Variants in GALNT14 observed in about 807,000 individuals in gnomAD.
GALNT14 encodes the protein UDP-GalNAc:polypeptide N-acetylgalactosaminyltransferase 14.
Under a neutral mutation model 77.5 loss-of-function variants are expected in GALNT14, and 60 were observed. The observed-to-expected ratio is 0.77, with a 90% CI of 0.63 to 0.96. The LOEUF is 0.96. GALNT14 is among the 40% of genes least tolerant of loss of function. The pLI, the probability that GALNT14 is intolerant of heterozygous loss-of-function variation, is 0.00. For missense variants in GALNT14, 710 were observed against 731.0 expected (o/e 0.97, Z 0.33); for synonymous variants, 280 against 281.7 (o/e 0.99, Z 0.06).
intron 1 of GALNT14, among the ~76,000 whole-genome samples, chr2:31,011,872 G>A (rs563797100): frequency 2.6e-5 from 4 of 152,266 alleles, no homozygotes; most frequent in African/African-American, 4.8e-5. Flanking sequence ...TTCTCTGGAC[G>A]TGCCGCCTGG....
intron 1 of GALNT14, among the ~76,000 whole-genome samples, chr2:31,036,488 A>C (rs1672744299): frequency 6.6e-6 from 1 of 152,208 alleles, no homozygotes; most frequent in African/African-American, 2.4e-5. Flanking sequence ...ACACAGTTTT[A>C]TAATTATTGC....
In GALNT14 at chr2:31,087,541, C is replaced by T. The variant is rs181388032; in HGVS notation, c.129+50417G>A. On this transcript the variant is annotated intron_variant, in intron 1 of 14. Coordinates refer to ENST00000349752, the MANE Select transcript of GALNT14 (RefSeq NM_024572.4). The stretch of plus-strand genomic sequence containing the variant: ...AGAGGAGAGGCGAGGAGAGGAAGAC[C>T]TCTAGACCAAGTCCTTAGAAACAAC... Among the ~76,000 whole-genome samples, 34 of 45,940 alleles carry T rather than the reference C, an allele frequency of 7.4e-4. No homozygotes were observed. In the East Asian group the frequency reaches 0.012, roughly 16 times the overall value. 30.1% of individuals were successfully genotyped at this position (45,940 alleles called of 152,430 possible).
At chr2:30,945,164 C>T (rs1666612922) in intron 7 of GALNT14, among the ~76,000 whole-genome samples, 1 of 152,202 alleles carries the variant, frequency 6.6e-6, no homozygotes, top group Non-Finnish European at 1.5e-5. Flanking sequence ...CCTCTCTGAG[C>T]CTTCTCTGCT....
Position 31,134,704 on chromosome 2 carries a change from GCT to G in GALNT14, c.129+3252_129+3253del, listed in dbSNP as rs529580647. On this transcript the variant is annotated intron_variant, in intron 1 of 14. Coordinates refer to ENST00000349752, the MANE Select transcript of GALNT14 (RefSeq NM_024572.4). ...CCTCCCTTACACAAACCCCCTGGGA[GCT>G]CTCCAAGGGTGAGGATCTAGGGATG... Among the ~76,000 whole-genome samples, 7 of 152,304 alleles carry G rather than the reference GCT, an allele frequency of 4.6e-5. No individual in the cohort carries two copies. In the East Asian group the frequency reaches 1.4e-3, roughly 30 times the overall value.
At chr2:30,955,376 G>A (rs1667299500) in intron 6 of GALNT14, among the ~76,000 whole-genome samples, 1 of 152,210 alleles carries the variant, frequency 6.6e-6, no homozygotes, top group Admixed American at 6.5e-5. Flanking sequence ...CCCAAGTGCA[G>A]GCCTGCTATG....
intron 1 of GALNT14, among the ~76,000 whole-genome samples, chr2:31,036,380 A>T (rs751060549): frequency 7.9e-5 from 12 of 152,226 alleles, no homozygotes; most frequent in Non-Finnish European, 1.2e-4. Context: ...TAATGTCAAC[A>T]GTATACAAAA....
chr2:31,105,946 T>A (rs13029054), intron 1 of GALNT14, among the ~76,000 whole-genome samples: 1 of 151,838 alleles, frequency 6.6e-6, no homozygotes, highest in African/African-American at 2.4e-5. Flanking sequence ...AAAACACGGT[T>A]CCTATTATCC....
the GALNT14 span, among the ~76,000 whole-genome samples, chr2:30,902,425 T>A: frequency 6.6e-6 from 1 of 152,116 alleles, no homozygotes; most frequent in Admixed American, 6.5e-5. Flanking sequence ...CCATCCCATC[T>A]CCTTTAGCAG....
Position 31,079,296 on chromosome 2 carries a change from C to T in GALNT14, c.129+58662G>A, listed in dbSNP as rs185132946. Among the ~76,000 whole-genome samples, 25 of 152,228 alleles carry T rather than the reference C, an allele frequency of 1.6e-4. No homozygotes were observed. The East Asian group carries it at 4.3e-3, about 26-fold the overall frequency. On this transcript the variant is annotated intron_variant, in intron 1 of 14. Transcript: ENST00000349752. Reference sequence around the variant, plus strand: ...GCTGTATGGCAGATGCACCTGACAGCGTCAGGACGTACCCTGAGAATGACC... The same window carrying T: ...GCTGTATGGCAGATGCACCTGACAGTGTCAGGACGTACCCTGAGAATGACC...
chr2:30,942,379 G>A, intron 8 of GALNT14, 75 bp from the exon 9 acceptor site: 2 of 1,078,060 alleles, frequency 1.9e-6, no homozygotes, highest in Non-Finnish European at 2.8e-6. Flanking sequence ...GGCCCCTTGA[G>A]TCTGAAACAC....
At chr2:30,903,890 T>C in the GALNT14 span, among the ~76,000 whole-genome samples, 1 of 152,190 alleles carries the variant, frequency 6.6e-6, no homozygotes, top group African/African-American at 2.4e-5. Context: ...GATTGGTTCT[T>C]CTCTTAAACC....
In GALNT14 at chr2:30,910,960, C is replaced by T. The variant is rs551834022; in HGVS notation, c.1600G>A (p.Val534Ile). Reference sequence around the variant, plus strand: ...AGTGAGGACTCACATGGGTTGACGACGATTTCCTTGCCGTTCTCGGTGCCA... The same window carrying T: ...AGTGAGGACTCACATGGGTTGACGATGATTTCCTTGCCGTTCTCGGTGCCA... ...GDGTENGKEI[V>I]VNPCESSLMS... Residue 534 changes from valine (V) to isoleucine (I), a missense_variant, in exon 15 of 15, where the codon GTC becomes ATC. Coordinates refer to ENST00000349752, the MANE Select transcript of GALNT14 (RefSeq NM_024572.4). The T allele has an allele frequency of 8.1e-6, 13 of 1,613,880 alleles. No homozygotes were observed. The highest frequency in any genetic ancestry group is 3.3e-4 in the Middle Eastern group (2 of 6,062).
intron 1 of GALNT14, among the ~76,000 whole-genome samples, chr2:31,028,833 T>C (rs1672233265): frequency 6.6e-6 from 1 of 152,056 alleles, no homozygotes; most frequent in African/African-American, 2.4e-5. Flanking sequence ...GCATGATATC[T>C]AGTGGGGAAG....
At chr2:30,987,527 A>G (rs1246224714) in intron 2 of GALNT14, among the ~76,000 whole-genome samples, 4 of 152,220 alleles carry the variant, frequency 2.6e-5, no homozygotes, top group Non-Finnish European at 4.4e-5. Context: ...AAGAACCAAA[A>G]GAAAAATGGC....
intron 7 of GALNT14, 43 bp from the exon 8 acceptor site, chr2:30,944,985 C>G: frequency 6.6e-7 from 1 of 1,526,210 alleles, no homozygotes. Context: ...CTCTCAAAAG[C>G]ACTTGCTCAT....
intron 6 of GALNT14, 69 bp downstream of exon 6, chr2:30,955,549 A>T: frequency 2.5e-6 from 4 of 1,568,948 alleles, no homozygotes; most frequent in Non-Finnish European, 3.4e-6. Flanking sequence ...ATGTGAAGTA[A>T]TGAGCTTGAG....
At chr2:31,042,367 G>A (rs565510331) in intron 1 of GALNT14, among the ~76,000 whole-genome samples, 14 of 152,230 alleles carry the variant, frequency 9.2e-5, no homozygotes, top group Admixed American at 4.6e-4. Flanking sequence ...AAAGTTAATC[G>A]AGGTGGGTGC....
chr2:30,929,616 C>G, intron 10 of GALNT14, 129 bp from the exon 11 acceptor site: 2 of 662,040 alleles, frequency 3.0e-6, no homozygotes, highest in Non-Finnish European at 5.4e-6. Flanking sequence ...CCATGGTCAA[C>G]CGACTATCAT....
At chr2:30,915,831 T>A (rs752251474) in intron 13 of GALNT14, among the ~76,000 whole-genome samples, 2 of 152,206 alleles carry the variant, frequency 1.3e-5, no homozygotes, top group Non-Finnish European at 2.9e-5. Context: ...AAGTTAAATG[T>A]TAAAGGCTGA....
Sources: allele counts gnomAD v4.1 joint callset (sites outside exome capture counted in the v4.1 genomes callset), GRCh38; gene constraint gnomAD v4.1.1; transcripts MANE v1.5; gene names NCBI Gene and HGNC (gene_info 2026-07-23, HGNC 2026-07-21).